Variants in LINGO2 observed in about 807,000 individuals in gnomAD.
The protein encoded by LINGO2 is leucine rich repeat and Ig domain containing 2, also known as leucine-rich repeat and immunoglobulin-like domain-containing nogo receptor-interacting protein 2.
In LINGO2, 14 loss-of-function variants were observed where a neutral mutation model predicts 30.6. The observed-to-expected ratio is 0.46, with a 90% CI of 0.30 to 0.72. The LOEUF (loss-of-function observed/expected upper bound fraction) is 0.72. LINGO2 is among the 30% of genes least tolerant of loss of function. LINGO2 has a pLI of 0.07. For missense variants in LINGO2, 729 were observed against 751.7 expected, an observed-to-expected ratio of 0.97 and a Z score of 0.35; for synonymous variants, 317 against 288.5, an observed-to-expected ratio of 1.10 and a Z score of -1.00.
chr9:28,678,390 T>A, the LINGO2 span, among the ~76,000 whole-genome samples: 1 of 152,116 alleles, frequency 6.6e-6, no homozygotes, highest in Non-Finnish European at 1.5e-5. Flanking sequence ...TAAATGCCCC[T>A]TCCAAATGAA....
intron 4 of LINGO2, among the ~76,000 whole-genome samples, chr9:28,055,464 A>C (rs1342785371): frequency 1.3e-5 from 2 of 152,132 alleles, no homozygotes; most frequent in South Asian, 2.1e-4. Context: ...TGTTTGCATA[A>C]AATAAGAACT....
intron 1 of LINGO2, among the ~76,000 whole-genome samples, chr9:28,561,030 C>T (rs940632831): frequency 6.6e-6 from 1 of 152,012 alleles, no homozygotes; most frequent in Non-Finnish European, 1.5e-5. Context: ...GAAGAGGACA[C>T]AGTATTGTGT....
intron 4 of LINGO2, among the ~76,000 whole-genome samples, chr9:28,229,378 G>C (rs1821280058): frequency 1.3e-5 from 2 of 151,228 alleles, no homozygotes; most frequent in Admixed American, 6.6e-5. Context: ...AACTGTAGAA[G>C]AAAAAAATAA....
At chr9:28,208,288 G>A (rs1820477888) in intron 4 of LINGO2, among the ~76,000 whole-genome samples, 1 of 152,050 alleles carries the variant, frequency 6.6e-6, no homozygotes, top group Non-Finnish European at 1.5e-5. Context: ...ACTGCTGCCT[G>A]TGGGGTGGGG....
intron 4 of LINGO2, among the ~76,000 whole-genome samples, chr9:28,183,711 T>C (rs1564024764): frequency 6.6e-6 from 1 of 152,122 alleles, no homozygotes; most frequent in African/African-American, 2.4e-5. Context: ...CCTGTATACA[T>C]GTAAGTGTCT....
chr9:28,902,527 C>T, the LINGO2 span, among the ~76,000 whole-genome samples: 1 of 152,056 alleles, frequency 6.6e-6, no homozygotes, highest in Non-Finnish European at 1.5e-5. Context: ...GCACTTTAGG[C>T]CAGATGAATC....
chr9:28,330,484 A>G lies in LINGO2; in HGVS notation c.-245-35118T>C, dbSNP rs148506113. On this transcript the variant is annotated intron_variant, in intron 3 of 5. Coordinates refer to ENST00000379992, the Ensembl canonical transcript of LINGO2. ...TGTTATCATTGATGAGCCAATATTG[A>G]TACATTATATTAGATGGTCATATTT... Among the ~76,000 whole-genome samples, 729 of 152,296 alleles carry G rather than the reference A, an allele frequency of 4.8e-3. 8 individuals carry two copies. Among genetic ancestry groups the G allele is most frequent in the African/African-American group, 0.016 (682 of 41,564 alleles).
the LINGO2 span, among the ~76,000 whole-genome samples, chr9:28,688,500 A>G: frequency 6.6e-6 from 1 of 152,016 alleles, no homozygotes; most frequent in Non-Finnish European, 1.5e-5. Context: ...CTGTAACCAC[A>G]CTCCTTTAAA....
chr9:29,151,792 A>T, the LINGO2 span, among the ~76,000 whole-genome samples: 1 of 152,228 alleles, frequency 6.6e-6, no homozygotes, highest in Non-Finnish European at 1.5e-5. Context: ...GATATACAGT[A>T]ATAGTGGGAA....
chr9:27,967,366 C>T (rs969004719), intron 5 of LINGO2, among the ~76,000 whole-genome samples: 4 of 152,008 alleles, frequency 2.6e-5, no homozygotes, highest in African/African-American at 7.2e-5. Flanking sequence ...TTTTCATAAA[C>T]CAGACCCAAC....
chr9:28,390,710 A>G (rs902066626), intron 2 of LINGO2, among the ~76,000 whole-genome samples: 6 of 152,214 alleles, frequency 3.9e-5, no homozygotes, highest in African/African-American at 1.4e-4. Context: ...GATAATACAC[A>G]TCTGACTTCT....
chr9:28,301,729 G>T (rs916887809), intron 3 of LINGO2, among the ~76,000 whole-genome samples: 2 of 152,082 alleles, frequency 1.3e-5, no homozygotes, highest in Admixed American at 1.3e-4. Context: ...AGTGAGAAAT[G>T]GCCTTTCAAT....
the LINGO2 span, among the ~76,000 whole-genome samples, chr9:29,195,345 TTG>T: frequency 0.29 from 44,052 of 150,154 alleles, 7,370 homozygotes; most frequent in East Asian, 0.42. Context: ...CACTTTAATA[TTG>T]TGTGTGTGTG....
At chr9:28,927,699 A>C in the LINGO2 span, among the ~76,000 whole-genome samples, 1 of 152,366 alleles carries the variant, frequency 6.6e-6, no homozygotes, top group African/African-American at 2.4e-5. Context: ...TCTATTGAAT[A>C]TTAATAAGAG....
chr9:28,945,489 G>A, the LINGO2 span, among the ~76,000 whole-genome samples: 2 of 152,092 alleles, frequency 1.3e-5, no homozygotes, highest in Non-Finnish European at 2.9e-5. Context: ...TCTCTTAACA[G>A]TTACGTAATA....
At chr9:28,054,534 A>C (rs1264996699) in intron 4 of LINGO2, among the ~76,000 whole-genome samples, 1 of 152,134 alleles carries the variant, frequency 6.6e-6, no homozygotes, top group Non-Finnish European at 1.5e-5. Flanking sequence ...TGTTTACTGC[A>C]TGAAGTTTGA....
the LINGO2 span, among the ~76,000 whole-genome samples, chr9:28,920,651 T>G: frequency 6.6e-6 from 1 of 152,162 alleles, no homozygotes; most frequent in Non-Finnish European, 1.5e-5. Context: ...AAGGAGCATA[T>G]TTTGCAAAAA....
At chr9:28,511,483 T>A (rs1564254827) in intron 1 of LINGO2, among the ~76,000 whole-genome samples, 1 of 152,144 alleles carries the variant, frequency 6.6e-6, no homozygotes, top group Non-Finnish European at 1.5e-5. Context: ...ATGGCCACTT[T>A]GTTCACGGGC....
intron 1 of LINGO2, among the ~76,000 whole-genome samples, chr9:28,523,031 A>G (rs1258780286): frequency 1.3e-5 from 2 of 152,142 alleles, no homozygotes; most frequent in African/African-American, 4.8e-5. Flanking sequence ...GAGTGAAAAT[A>G]TAAGAGATTA....
Sources: allele counts gnomAD v4.1 joint callset (sites outside exome capture counted in the v4.1 genomes callset), GRCh38; gene constraint gnomAD v4.1.1; transcripts MANE v1.5; gene names NCBI Gene and HGNC (gene_info 2026-07-23, HGNC 2026-07-21).